The following PTPRT variants were observed in gnomAD, a reference collection of about 807,000 sequenced individuals.
PTPRT encodes the protein receptor-type tyrosine-protein phosphatase T.
PTPRT carries 56 observed loss-of-function variants against 176.8 expected under a neutral mutation model. The observed-to-expected ratio is 0.32, with a 90% CI of 0.26 to 0.40. The LOEUF is 0.40. PTPRT is among the 10% of genes least tolerant of loss of function. The probability of loss-of-function intolerance (pLI) is 1.00; values close to 1 mark genes in which losing one functional copy is unlikely to be tolerated. For missense variants in PTPRT, 1,540 were observed against 1,908.2 expected, an observed-to-expected ratio of 0.81 and a Z score of 3.60; for synonymous variants, 783 against 739.0, an observed-to-expected ratio of 1.06 and a Z score of -0.96.
At chr20:42,752,684 A>G (rs2076783659) in intron 6 of PTPRT, among the ~76,000 whole-genome samples, 1 of 152,174 alleles carries the variant, frequency 6.6e-6, no homozygotes, top group Non-Finnish European at 1.5e-5. Flanking sequence ...TCTCTGAAAG[A>G]AGGAGGATTA....
chr20:43,041,138 C>A (rs3091581), intron 1 of PTPRT, among the ~76,000 whole-genome samples: 1 of 151,972 alleles, frequency 6.6e-6, no homozygotes, highest in Admixed American at 6.6e-5. Context: ...AATCACTTAC[C>A]AGTGAAGAAA....
At chr20:42,567,739 AG>A (rs966843653) in intron 7 of PTPRT, among the ~76,000 whole-genome samples, 4 of 152,336 alleles carry the variant, frequency 2.6e-5, no homozygotes, top group African/African-American at 9.6e-5. Flanking sequence ...GCACAGATGT[AG>A]GGGATGATTA....
rs549209142 is a variant in PTPRT at position 42,563,898 on chromosome 20, A to G, written c.1154-91336T>C. 7.2e-5 allele frequency among the ~76,000 whole-genome samples: 11 copies of G among 152,334 alleles called. No homozygotes were observed. In the South Asian group the frequency reaches 2.1e-3, roughly 29 times the overall value. On this transcript the variant is annotated intron_variant, in intron 7 of 30. Transcript: ENST00000373187. ...AAGATTTCTTTTTCGCTCGTGTCAC[A>G]GTCAAAAATGAATCTGCAGGGTGGC...
intron 3 of PTPRT, among the ~76,000 whole-genome samples, chr20:42,784,191 G>T (rs564219272): frequency 6.6e-6 from 1 of 152,202 alleles, no homozygotes; most frequent in Non-Finnish European, 1.5e-5. Context: ...GCTCTGAGAT[G>T]AGTCTTGCTC....
chr20:42,692,206 C>A (rs1043019712), intron 6 of PTPRT, among the ~76,000 whole-genome samples: 1 of 152,124 alleles, frequency 6.6e-6, no homozygotes, highest in Non-Finnish European at 1.5e-5. Context: ...CTTTACAAGC[C>A]CAGGATAGCT....
chr20:42,395,394 C>T (rs1292458935), intron 9 of PTPRT, among the ~76,000 whole-genome samples: 1 of 152,180 alleles, frequency 6.6e-6, no homozygotes, highest in African/African-American at 2.4e-5. Flanking sequence ...GTGAGACCCC[C>T]TGTGCTCTCA....
At chr20:42,883,445 T>C (rs980377068) in intron 2 of PTPRT, among the ~76,000 whole-genome samples, 2 of 151,818 alleles carry the variant, frequency 1.3e-5, no homozygotes, top group African/African-American at 4.8e-5. Flanking sequence ...TCAGTACCAG[T>C]AGGGTGAAGT....
intron 6 of PTPRT, among the ~76,000 whole-genome samples, chr20:42,681,493 A>G (rs1439978243): frequency 2.0e-5 from 3 of 152,154 alleles, no homozygotes; most frequent in Non-Finnish European, 4.4e-5. Flanking sequence ...ACTCATGTTG[A>G]GTCTATGAAC....
the PTPRT span, among the ~76,000 whole-genome samples, chr20:42,066,277 G>T: frequency 6.6e-6 from 1 of 151,908 alleles, no homozygotes; most frequent in Non-Finnish European, 1.5e-5. Flanking sequence ...CCTGACCTCA[G>T]GTGATCTGCC....
At chr20:42,270,034 C>T (rs2056904124) in intron 13 of PTPRT, among the ~76,000 whole-genome samples, 1 of 152,018 alleles carries the variant, frequency 6.6e-6, no homozygotes, top group Non-Finnish European at 1.5e-5. Context: ...CTTGAAGTGG[C>T]AAATTTATTT....
intron 9 of PTPRT, among the ~76,000 whole-genome samples, chr20:42,370,845 C>A (rs2058577548): frequency 6.6e-6 from 1 of 152,188 alleles, no homozygotes; most frequent in Non-Finnish European, 1.5e-5. Context: ...GTTACTCCCA[C>A]ATCATCTCAC....
At chr20:43,074,703 CTCTA>C (rs2011231090) in intron 1 of PTPRT, among the ~76,000 whole-genome samples, 1 of 152,144 alleles carries the variant, frequency 6.6e-6, no homozygotes, top group African/African-American at 2.4e-5. Flanking sequence ...TACTTAGTTT[CTCTA>C]TCTGTAAAAA....
chr20:42,940,832 G>A (rs542742839), intron 1 of PTPRT, among the ~76,000 whole-genome samples: 6 of 152,086 alleles, frequency 3.9e-5, no homozygotes, highest in Admixed American at 1.3e-4. Flanking sequence ...CTGTAATCCC[G>A]GCACTTTGGG....
chr20:42,767,364 G>C (rs1204582455), intron 5 of PTPRT, among the ~76,000 whole-genome samples: 1 of 152,090 alleles, frequency 6.6e-6, no homozygotes, highest in Non-Finnish European at 1.5e-5. Flanking sequence ...AGGGGAAGAA[G>C]AGTTTGCCCC....
In PTPRT at chr20:42,533,105, C is replaced by T. The variant is rs534379015; in HGVS notation, c.1154-60543G>A. ...CTGTAATCTTCCCTCCGCCAGGTTG[C>T]CCTGCTGCATTACTAAAGCGGGACT... On this transcript the variant is annotated intron_variant, in intron 7 of 30. Coordinates refer to ENST00000373187, the MANE Select transcript of PTPRT (RefSeq NM_007050.6). Among the ~76,000 whole-genome samples, 7 of 152,318 alleles carry T rather than the reference C, an allele frequency of 4.6e-5. No homozygotes were observed. In the South Asian group the frequency reaches 1.5e-3, roughly 32 times the overall value.
At chr20:42,831,539 T>C (rs1345411267) in intron 2 of PTPRT, among the ~76,000 whole-genome samples, 2 of 152,178 alleles carry the variant, frequency 1.3e-5, no homozygotes, top group Non-Finnish European at 2.9e-5. Flanking sequence ...GGGATCTAAT[T>C]AAACTTAACA....
chr20:43,040,686 G>A (rs556778994), intron 1 of PTPRT, among the ~76,000 whole-genome samples: 1 of 152,304 alleles, frequency 6.6e-6, no homozygotes, highest in African/African-American at 2.4e-5. Flanking sequence ...GCGCCGGTTT[G>A]TCTCTTCTTT....
intron 2 of PTPRT, among the ~76,000 whole-genome samples, chr20:42,842,315 C>A (rs6065546): frequency 6.6e-6 from 1 of 152,282 alleles, no homozygotes; most frequent in East Asian, 1.9e-4. Context: ...GCCAGTGCTA[C>A]AAGGGAGCTG....
At chr20:42,639,364 T>G (rs1054438474) in intron 7 of PTPRT, among the ~76,000 whole-genome samples, 2 of 152,132 alleles carry the variant, frequency 1.3e-5, no homozygotes, top group Non-Finnish European at 2.9e-5. Context: ...GTTTTCCTCG[T>G]GGTAAAGTAA....
Sources: gnomAD v4.1 joint callset for allele counts (sites outside exome capture counted in the v4.1 genomes callset) on GRCh38, gnomAD v4.1.1 for gene constraint, MANE v1.5 for transcripts, NCBI Gene and HGNC (gene_info 2026-07-23, HGNC 2026-07-21) for gene names.